Variants in PTGIS observed in about 807,000 individuals in gnomAD.
PTGIS encodes prostacyclin synthase.
A neutral mutation model predicts 50.3 loss-of-function variants in PTGIS; 45 were observed. The observed-to-expected ratio is 0.90, with a 90% CI of 0.70 to 1.15. PTGIS has a LOEUF of 1.15. Ranked by LOEUF, PTGIS falls within the 50% of genes most tolerant of loss-of-function variation. The pLI is 0.00. For missense variants in PTGIS, 668 were observed against 661.3 expected (o/e 1.01, Z -0.11); for synonymous variants, 260 against 267.7 (o/e 0.97, Z 0.28).
At chr20:49,548,580 A>T (rs1041027561) in intron 2 of PTGIS, among the ~76,000 whole-genome samples, 1 of 151,960 alleles carries the variant, frequency 6.6e-6, no homozygotes, top group Non-Finnish European at 1.5e-5. Context: ...GGATGGATGG[A>T]TGGAAGGAAG....
chr20:49,548,136 T>C, intron 2 of PTGIS, 117 bp from the exon 3 acceptor site: 2 of 942,826 alleles, frequency 2.1e-6, no homozygotes, highest in Non-Finnish European at 3.3e-6. Flanking sequence ...ACACACTATG[T>C]TCTCTTATCT....
At position 49,553,810 on chromosome 20, in the gene PTGIS, T is replaced by C. The variant is rs534697667; in HGVS notation, c.75-3621A>G. 2.0e-5 allele frequency among the ~76,000 whole-genome samples: 3 copies of C among 152,058 alleles called. No individual in the cohort carries two copies. The East Asian group carries it at 5.8e-4, about 29-fold the overall frequency. On this transcript the variant is annotated intron_variant, in intron 1 of 9. Transcript: ENST00000244043. The stretch of plus-strand genomic sequence containing the variant: ...TATATGGAAAGAATCCCGTAAAAAT[T>C]TTTTGTCCTAAAATAAAATGATTGA...
At chr20:49,555,562 C>A (rs1364647339) in intron 1 of PTGIS, among the ~76,000 whole-genome samples, 4 of 152,044 alleles carry the variant, frequency 2.6e-5, no homozygotes, top group African/African-American at 9.7e-5. Flanking sequence ...GGTGTTTAAT[C>A]TTCTTTGGAT....
At chr20:49,512,632 C>G (rs7271624) in intron 8 of PTGIS, among the ~76,000 whole-genome samples, 58,986 of 151,962 alleles carry the variant, frequency 0.39, 14,022 homozygotes, top group African/African-American at 0.68. Context: ...TGGGGCAAGG[C>G]AAAAGTGTTG....
intron 2 of PTGIS, among the ~76,000 whole-genome samples, chr20:49,549,625 T>G (rs1388108199): frequency 2.0e-5 from 3 of 152,142 alleles, no homozygotes; most frequent in African/African-American, 7.2e-5. Flanking sequence ...CGGGTGAATC[T>G]ATGGAAAAAC....
chr20:49,507,865 G>C lies in PTGIS; in HGVS notation c.*55C>G. The C allele has an allele frequency of 1.2e-6, 2 of 1,600,546 alleles. No individual in the cohort carries two copies. Among genetic ancestry groups the C allele is most frequent in the Non-Finnish European group, 1.7e-6 (2 of 1,178,636 alleles). Reference sequence around the variant, plus strand: ...GCACACAGAAAGCTGGGAGGCTGGGGCAGGCTGGGGCAGGCTGGGCAGAGG... The same window carrying C: ...GCACACAGAAAGCTGGGAGGCTGGGCCAGGCTGGGGCAGGCTGGGCAGAGG... On this transcript the variant is annotated 3_prime_UTR_variant, in exon 10 of 10. Transcript: ENST00000244043.
intron 7 of PTGIS, 41 bp downstream of exon 7, chr20:49,514,186 C>G: frequency 6.2e-7 from 1 of 1,608,484 alleles, no homozygotes; most frequent in Non-Finnish European, 8.5e-7. Context: ...TCCATGATGA[C>G]GCAGTCTTAG....
At position 49,539,563 on chromosome 20, in the gene PTGIS, T is replaced by C. The variant is rs923381663; in HGVS notation, c.673+7A>G. 2.5e-6 allele frequency: 4 copies of C among 1,613,114 alleles called. No individual in the cohort carries two copies. In the African/African-American group the frequency reaches 5.3e-5, roughly 22 times the overall value. On this transcript the variant is annotated splice_region_variant and intron_variant, in intron 5 of 9. Coordinates refer to ENST00000244043, the MANE Select transcript of PTGIS (RefSeq NM_000961.4). ...CCCCCACCCACTGGGGCCCCCATGG[T>C]GCTTACCCACTGACAGGGAGCCACG...
At chr20:49,531,035 A>T (rs1184929984) in intron 5 of PTGIS, among the ~76,000 whole-genome samples, 1 of 152,152 alleles carries the variant, frequency 6.6e-6, no homozygotes, top group Non-Finnish European at 1.5e-5. Flanking sequence ...TTGGGATTAC[A>T]GGTGTGAGCC....
intron 5 of PTGIS, among the ~76,000 whole-genome samples, chr20:49,530,841 C>A (rs1981916310): frequency 6.6e-6 from 1 of 152,158 alleles, no homozygotes; most frequent in African/African-American, 2.4e-5. Context: ...CTCACTGCAA[C>A]TTCCACCTCC....
chr20:49,564,067 G>A (rs1221787597), intron 1 of PTGIS, among the ~76,000 whole-genome samples: 1 of 152,202 alleles, frequency 6.6e-6, no homozygotes, highest in Admixed American at 6.5e-5. Context: ...CTAACTCTCA[G>A]CTCACCACCC....
chr20:49,539,681 G>C lies in PTGIS; in HGVS notation c.562C>G (p.Arg188Gly), dbSNP rs145481145. The C allele has an allele frequency of 1.2e-6, 2 of 1,613,642 alleles. No homozygotes were observed. Among genetic ancestry groups the C allele is most frequent in the Non-Finnish European group, 1.7e-6 (2 of 1,179,972 alleles). ...TCCTGGGCCTGGCTTTCATGGGTGC[G>C]TGGCAGCGCCTCAATTCCGTAAAGA... is the stretch of plus-strand genomic sequence containing the variant. ...LTLYGIEALP[R>G]THESQAQDRV... Residue 188 changes from arginine to glycine, a missense_variant, in exon 5 of 10, where the codon CGC (arginine) becomes GGC (glycine). By Grantham distance (125) the Arg-to-Gly change is moderately radical. Transcript: ENST00000244043.
intron 2 of PTGIS, among the ~76,000 whole-genome samples, chr20:49,549,013 A>C (rs532689725): frequency 1.3e-5 from 2 of 151,752 alleles, no homozygotes; most frequent in South Asian, 4.2e-4. Flanking sequence ...GGTCGTTTGA[A>C]TAGATGTTGT....
chr20:49,561,533 T>C (rs146722238), intron 1 of PTGIS, among the ~76,000 whole-genome samples: 3 of 152,306 alleles, frequency 2.0e-5, no homozygotes, highest in African/African-American at 7.2e-5. Context: ...GAATAACTGG[T>C]TCATGGCAGC....
chr20:49,567,733 A>G (rs895845903), intron 1 of PTGIS, among the ~76,000 whole-genome samples: 8 of 149,284 alleles, frequency 5.4e-5, no homozygotes, highest in African/African-American at 1.5e-4. Context: ...CTCACCTGAA[A>G]CCCCCTCCTA....
chr20:49,549,479 C>T (rs1198010492), intron 2 of PTGIS, among the ~76,000 whole-genome samples: 1 of 152,126 alleles, frequency 6.6e-6, no homozygotes, highest in African/African-American at 2.4e-5. Context: ...GATATGGAAC[C>T]CACCCATGGA....
chr20:49,532,704 C>A (rs142151275), intron 5 of PTGIS, among the ~76,000 whole-genome samples: 2 of 152,106 alleles, frequency 1.3e-5, no homozygotes, highest in Non-Finnish European at 2.9e-5. Flanking sequence ...TAATAAATTG[C>A]GAAATACAGA....
chr20:49,551,808 G>T (rs890517220), intron 1 of PTGIS, among the ~76,000 whole-genome samples: 1 of 71,204 alleles, frequency 1.4e-5, no homozygotes, highest in Admixed American at 1.3e-4. Flanking sequence ...GTATGTGTTT[G>T]TGTGTGTGTG....
Position 49,507,897 on chromosome 20 carries a change from C to A in PTGIS, c.*23G>T. On this transcript the variant is annotated 3_prime_UTR_variant, in exon 10 of 10. Transcript: ENST00000244043. ...GGGGCAGGCTGGGCAGAGGCGAGCA[C>A]GTGGATCCATCTGCTCCCTGTGTCA... 6.2e-7 allele frequency: 1 copy of A among 1,608,730 alleles called. No individual in the cohort carries two copies. The highest frequency in any genetic ancestry group is 8.5e-7 in the Non-Finnish European group (1 of 1,179,988).
Sources: gnomAD v4.1 joint callset for allele counts (sites outside exome capture counted in the v4.1 genomes callset) on GRCh38, gnomAD v4.1.1 for gene constraint, MANE v1.5 for transcripts, NCBI Gene and HGNC (gene_info 2026-07-23, HGNC 2026-07-21) for gene names.